Variants in ZSCAN4 observed in about 807,000 individuals in gnomAD.
ZSCAN4 encodes the protein zinc finger and SCAN domain-containing protein 4.
In ZSCAN4, 18 loss-of-function variants were observed where a neutral mutation model predicts 18.3. That is an observed-to-expected ratio of 0.98 (90% CI 0.68 to 1.46). ZSCAN4 has a LOEUF of 1.46. ZSCAN4 is among the 40% of genes most tolerant of loss of function. ZSCAN4 has a pLI of 0.00. For synonymous variants in ZSCAN4, 193 were observed against 180.3 expected (o/e 1.07, Z -0.57); for missense variants, 498 against 511.4 (o/e 0.97, Z 0.25).
exon 3 of ZSCAN4, chr19:57,676,463 G>A: frequency 1.2e-6 from 2 of 1,614,198 alleles, no homozygotes; most frequent in Non-Finnish European, 1.7e-6. Flanking sequence ...GTGTGAAAGA[G>A]AAATGGAAAT....
intron 2 of ZSCAN4, among the ~76,000 whole-genome samples, chr19:57,674,866 T>G (rs1373850293): frequency 1.3e-5 from 2 of 152,048 alleles, no homozygotes; most frequent in African/African-American, 2.4e-5. Context: ...TAGGGAGCAA[T>G]CCAATGTTTC....
rs575715799 is a variant in ZSCAN4 at position 57,673,375 on chromosome 19, G to A, written c.-105-2666G>A. 1.1e-4 allele frequency among the ~76,000 whole-genome samples: 16 copies of A among 152,182 alleles called. No homozygotes were observed. In the South Asian group the frequency reaches 3.3e-3, roughly 32 times the overall value. ...GTTTGCCATAGGCATAGTAGCTCAC[G>A]CCTGTAATCCCAGAAAGGCTAGAGT... is the stretch of plus-strand genomic sequence containing the variant. On this transcript the variant is annotated intron_variant, in intron 2 of 4. Transcript: ENST00000318203.
chr19:57,670,801 A>G (rs1983995263), intron 2 of ZSCAN4, among the ~76,000 whole-genome samples: 1 of 152,112 alleles, frequency 6.6e-6, no homozygotes, highest in Non-Finnish European at 1.5e-5. Flanking sequence ...AACTCTGTAT[A>G]AAGGCCTGGT....
intron 2 of ZSCAN4, among the ~76,000 whole-genome samples, chr19:57,674,116 G>GT (rs1984106669): frequency 1.3e-5 from 2 of 152,162 alleles, no homozygotes; most frequent in South Asian, 4.1e-4. Context: ...GTTCATTTTG[G>GT]TTTATTGGCA....
upstream of ZSCAN4, among the ~76,000 whole-genome samples, chr19:57,663,993 T>C (rs1353240486): frequency 3.3e-5 from 5 of 151,570 alleles, no homozygotes; most frequent in South Asian, 2.1e-4. Flanking sequence ...TTAGCCGGGC[T>C]AGCTGAAGGC....
exon 3 of ZSCAN4, chr19:57,676,436 C>T: frequency 6.2e-7 from 1 of 1,614,172 alleles, no homozygotes; most frequent in Non-Finnish European, 8.5e-7. Flanking sequence ...TTGGTGGCCA[C>T]TGCAATGACA....
intron 3 of ZSCAN4, 137 bp from the exon 4 acceptor site, chr19:57,677,777 C>A: frequency 1.5e-6 from 1 of 670,686 alleles, no homozygotes; most frequent in Non-Finnish European, 2.3e-6. Flanking sequence ...AGAATAACAC[C>A]ATCAGAGATG....
At chr19:57,675,392 C>T (rs535347266) in intron 2 of ZSCAN4, among the ~76,000 whole-genome samples, 171 of 152,198 alleles carry the variant, frequency 1.1e-3, no homozygotes, top group African/African-American at 4.1e-3. Flanking sequence ...AGGTGATCCA[C>T]CTGCCTCAGC....
the ZSCAN4 span, among the ~76,000 whole-genome samples, chr19:57,655,684 T>G: frequency 6.6e-6 from 1 of 152,140 alleles, no homozygotes; most frequent in African/African-American, 2.4e-5. Flanking sequence ...AACAACCTTC[T>G]AATCACCTAC....
At chr19:57,657,943 G>T in the ZSCAN4 span, among the ~76,000 whole-genome samples, 104 of 152,192 alleles carry the variant, frequency 6.8e-4, 1 homozygote, top group African/African-American at 2.4e-3. Context: ...ACCCAAAAAA[G>T]GTCTGTGCAT....
In ZSCAN4 at chr19:57,669,622, T is replaced by G. The variant is rs184050040; in HGVS notation, c.-429+419T>G. Among the ~76,000 whole-genome samples, 278 of 151,898 alleles carry G rather than the reference T, an allele frequency of 1.8e-3. 1 individual carries two copies. The highest frequency in any genetic ancestry group is 5.2e-3 in the African/African-American group (214 of 41,430). ...TTGCATTTTTAGTAGAGATGGGGTT[T>G]CACCATATTGGCCAGGCTGGTCTCG... On this transcript the variant is annotated intron_variant, in intron 1 of 4. Transcript: ENST00000318203.
upstream of ZSCAN4, chr19:57,664,270 G>C (rs991043935): frequency 7.2e-5 from 11 of 152,684 alleles, no homozygotes; most frequent in African/African-American, 2.7e-4. Flanking sequence ...GGTCGGGGTC[G>C]GGCGCGGCGA....
In ZSCAN4 at chr19:57,678,537, TAC is replaced by T; in HGVS notation, c.936_937del (p.Tyr312Ter). 1 of 1,614,144 alleles carries T rather than the reference TAC, an allele frequency of 6.2e-7. No individual in the cohort carries two copies. Among genetic ancestry groups the T allele is most frequent in the Non-Finnish European group, 8.5e-7 (1 of 1,180,034 alleles). On this transcript the variant is annotated frameshift_variant, in exon 5 of 5. Coordinates refer to ENST00000318203, the Ensembl canonical transcript of ZSCAN4. LOFTEE classifies it low-confidence loss of function (END_TRUNC). ...AGGATCCCATGGAGTCCAAAAATCA[TAC>T]AAATGTGAAGAATGCCCCAAGGTCT...
At chr19:57,653,985 C>T in the ZSCAN4 span, among the ~76,000 whole-genome samples, 3 of 152,226 alleles carry the variant, frequency 2.0e-5, no homozygotes, top group Non-Finnish European at 4.4e-5. Flanking sequence ...GGATCACCCA[C>T]TACCATCACC....
chr19:57,670,839 CT>C (rs535918876), intron 2 of ZSCAN4, among the ~76,000 whole-genome samples: 81 of 151,162 alleles, frequency 5.4e-4, no homozygotes, highest in Admixed American at 4.5e-3. Context: ...TTCAAAAAGT[CT>C]ATCGTATGAC....
chr19:57,658,767 G>T, the ZSCAN4 span, among the ~76,000 whole-genome samples: 31 of 145,326 alleles, frequency 2.1e-4, no homozygotes, highest in Admixed American at 1.8e-3. Context: ...CCAGAAGACA[G>T]AAGTTGCAGT....
At chr19:57,669,019 A>G (rs1983933797) in exon 1 of ZSCAN4, 1 of 149,366 alleles carries the variant, frequency 6.7e-6, no homozygotes, top group Non-Finnish European at 1.5e-5. Flanking sequence ...ATAAAACTTG[A>G]TCAGAATTTG....
rs1984196119 is a variant in ZSCAN4 at position 57,676,530 on chromosome 19, CCA to C, written c.387_388del (p.Pro130CysfsTer16). ...AGACCTGACTGATGACAGCATAAAT[CCA>C]CCTGCCTTAGTGAGTACAGGGTTCT... is the stretch of plus-strand genomic sequence containing the variant. On this transcript the variant is annotated frameshift_variant, in exon 3 of 5. Transcript: ENST00000318203. LOFTEE classifies it high-confidence loss of function. 10 of 1,612,780 alleles carry C rather than the reference CCA, an allele frequency of 6.2e-6. No homozygotes were observed. The highest frequency in any genetic ancestry group is 8.5e-6 in the Non-Finnish European group (10 of 1,179,424).
At chr19:57,678,579 C>T in exon 5 of ZSCAN4, 1 of 1,614,030 alleles carries the variant, frequency 6.2e-7, no homozygotes, top group Non-Finnish European at 8.5e-7. Flanking sequence ...GTATCTCTGT[C>T]ACTTATTAGC....
Sources: allele counts gnomAD v4.1 joint callset (sites outside exome capture counted in the v4.1 genomes callset), GRCh38; gene constraint gnomAD v4.1.1; transcripts MANE v1.5; gene names NCBI Gene and HGNC (gene_info 2026-07-23, HGNC 2026-07-21).